The following PTPRG variants were observed in gnomAD, a reference collection of about 807,000 sequenced individuals.
PTPRG encodes protein tyrosine phosphatase receptor type G, also known as receptor-type tyrosine-protein phosphatase gamma.
Under a neutral mutation model 165.3 loss-of-function variants are expected in PTPRG, and 102 were observed. The ratio of observed to expected loss-of-function variants is 0.62; its 90% CI spans 0.53 to 0.73. PTPRG has a LOEUF of 0.73. PTPRG is among the 30% of genes least tolerant of loss of function. The probability of loss-of-function intolerance (pLI) is 0.00; values close to 1 mark genes in which losing one functional copy is unlikely to be tolerated. For synonymous variants in PTPRG, 675 were observed against 669.5 expected (o/e 1.01, Z -0.13); for missense variants, 1,866 against 1,861.4 (o/e 1.00, Z -0.05).
At chr3:61,700,208 T>C (rs1256136820) in intron 1 of PTPRG, among the ~76,000 whole-genome samples, 1 of 152,202 alleles carries the variant, frequency 6.6e-6, no homozygotes, top group Non-Finnish European at 1.5e-5. Context: ...ATAAGTCAAC[T>C]CTCACATTGC....
chr3:61,723,275 T>G (rs2032125250), intron 1 of PTPRG, among the ~76,000 whole-genome samples: 1 of 152,198 alleles, frequency 6.6e-6, no homozygotes, highest in African/African-American at 2.4e-5. Context: ...TATTTTTTTT[T>G]CTTTTTACTG....
At chr3:61,681,054 TAAAAAAAAAA>T (rs61198100) in intron 1 of PTPRG, among the ~76,000 whole-genome samples, 4 of 66,104 alleles carry the variant, frequency 6.1e-5, no homozygotes, top group South Asian at 9.8e-4. Flanking sequence ...CTTTATGTTC[TAAAAAAAAAA>T]AAAAAAAAAA....
intron 1 of PTPRG, among the ~76,000 whole-genome samples, chr3:61,640,125 T>C (rs1702021514): frequency 6.6e-6 from 1 of 152,228 alleles, no homozygotes; most frequent in Non-Finnish European, 1.5e-5. Context: ...TTTAAACTCT[T>C]ACCAGCCAGA....
chr3:61,880,669 G>A lies in PTPRG; in HGVS notation c.191-108956G>A, dbSNP rs114820177. Among the ~76,000 whole-genome samples the A allele has an allele frequency of 8.1e-3, 1,218 of 150,716 alleles. 14 individuals are homozygous for A. Among genetic ancestry groups the A allele is most frequent in the African/African-American group, 0.027 (1,122 of 41,012 alleles). On this transcript the variant is annotated intron_variant, in intron 2 of 29. Transcript: ENST00000474889. Reference sequence around the variant, plus strand: ...AGAGAGAGACCTATGGCCAGGTGATGAGGTATGAAGCCATTTAATGCGAAG... The same window carrying A: ...AGAGAGAGACCTATGGCCAGGTGATAAGGTATGAAGCCATTTAATGCGAAG...
intron 1 of PTPRG, among the ~76,000 whole-genome samples, chr3:61,702,598 G>A (rs1203881600): frequency 6.6e-6 from 1 of 152,206 alleles, no homozygotes; most frequent in East Asian, 1.9e-4. Context: ...CTATAGGTGT[G>A]TTACTGCTTT....
At chr3:62,128,273 A>G (rs971627712) in intron 5 of PTPRG, among the ~76,000 whole-genome samples, 1 of 152,176 alleles carries the variant, frequency 6.6e-6, no homozygotes, top group Non-Finnish European at 1.5e-5. Flanking sequence ...CATTTGTGCA[A>G]TTGCTGCCTT....
intron 1 of PTPRG, among the ~76,000 whole-genome samples, chr3:61,606,410 G>A (rs1278495795): frequency 1.3e-5 from 2 of 152,134 alleles, no homozygotes; most frequent in Non-Finnish European, 2.9e-5. Context: ...ATTAGGTCAG[G>A]CCCACTTAGA....
intron 2 of PTPRG, among the ~76,000 whole-genome samples, chr3:61,766,616 A>C (rs113351585): frequency 6.8e-6 from 1 of 148,056 alleles, no homozygotes; most frequent in African/African-American, 2.5e-5. Context: ...TGTTAAAAAA[A>C]ATTTTTTTTT....
chr3:62,053,202 T>C (rs1340308409), intron 4 of PTPRG, among the ~76,000 whole-genome samples: 1 of 152,090 alleles, frequency 6.6e-6, no homozygotes, highest in African/African-American at 2.4e-5. Context: ...TAAATGTAAT[T>C]GCTCTCCAAA....
At chr3:61,732,846 A>T (rs2032567908) in intron 1 of PTPRG, among the ~76,000 whole-genome samples, 1 of 152,220 alleles carries the variant, frequency 6.6e-6, no homozygotes, top group Non-Finnish European at 1.5e-5. Flanking sequence ...AAATGTGAAC[A>T]TATGCCTGCG....
At position 61,604,991 on chromosome 3, in the gene PTPRG, G is replaced by A. The variant is rs77686338; in HGVS notation, c.85+42619G>A. On this transcript the variant is annotated intron_variant, in intron 1 of 29. Transcript: ENST00000474889. ...CTTTGTACACAGAGCTGGTAAAGGG[G>A]ACAACTGACGAGGTAGCCCAGGTCT... Among the ~76,000 whole-genome samples the A allele has an allele frequency of 7.3e-3, 1,107 of 152,270 alleles. 10 individuals are homozygous for A. The highest frequency in any genetic ancestry group is 0.01 in the Middle Eastern group (3 of 294).
intron 1 of PTPRG, among the ~76,000 whole-genome samples, chr3:61,597,245 C>A (rs1024741001): frequency 3.3e-5 from 5 of 152,178 alleles, no homozygotes; most frequent in Non-Finnish European, 7.3e-5. Flanking sequence ...GTTTCCAGCA[C>A]ATGACCTTTG....
intron 2 of PTPRG, among the ~76,000 whole-genome samples, chr3:61,874,768 A>G (rs922585113): frequency 1.3e-5 from 2 of 152,208 alleles, no homozygotes; most frequent in Admixed American, 1.3e-4. Flanking sequence ...AGAATGATCT[A>G]GCCCAAAATA....
chr3:62,078,077 G>A (rs1459388552), intron 4 of PTPRG, 86 bp from the exon 5 acceptor site: 34 of 844,614 alleles, frequency 4.0e-5, no homozygotes, highest in Non-Finnish European at 1.7e-5. Flanking sequence ...TAGCAACTGG[G>A]GAATATACAT....
chr3:61,986,206 A>G (rs2040758728), intron 2 of PTPRG, among the ~76,000 whole-genome samples: 4 of 151,072 alleles, frequency 2.6e-5, no homozygotes, highest in Middle Eastern at 3.2e-3. Context: ...TCTTCTTTCA[A>G]TTCATTCATT....
chr3:62,034,132 G>A lies in PTPRG; in HGVS notation c.519+30635G>A, dbSNP rs1051385610. Among the ~76,000 whole-genome samples, 6 of 152,228 alleles carry A rather than the reference G, an allele frequency of 3.9e-5. No individual in the cohort carries two copies. In the South Asian group the frequency reaches 6.2e-4, roughly 16 times the overall value. On this transcript the variant is annotated intron_variant, in intron 4 of 29. Coordinates refer to ENST00000474889, the MANE Select transcript of PTPRG (RefSeq NM_002841.4). ...ACAGGGGATTGGTTCTGCAACCCCCGCATATACCAAAATGCTCACATACTC... is the reference window on the plus strand; with the variant it reads ...ACAGGGGATTGGTTCTGCAACCCCCACATATACCAAAATGCTCACATACTC...
intron 2 of PTPRG, among the ~76,000 whole-genome samples, chr3:61,849,517 G>T (rs369576718): frequency 1.8e-4 from 28 of 152,290 alleles, no homozygotes; most frequent in African/African-American, 6.5e-4. Context: ...TAAGTTATGG[G>T]AATGAGATTT....
chr3:61,755,161 C>G (rs908484493), intron 2 of PTPRG, among the ~76,000 whole-genome samples: 1 of 152,160 alleles, frequency 6.6e-6, no homozygotes, highest in African/African-American at 2.4e-5. Flanking sequence ...GCATGTGCCA[C>G]CACGCCCGAC....
At position 61,756,870 on chromosome 3, in the gene PTPRG, G is replaced by A. The variant is rs144456524; in HGVS notation, c.190+7888G>A. On this transcript the variant is annotated intron_variant, in intron 2 of 29. Transcript: ENST00000474889. ...GAATACTGAGAGTTTGGGTTTTAAA[G>A]TGACTCTGAAGGTAGTGGGGTGATG... 8.3e-4 allele frequency among the ~76,000 whole-genome samples: 126 copies of A among 152,262 alleles called. 1 individual carries two copies. Among genetic ancestry groups the A allele is most frequent in the African/African-American group, 3.0e-3 (123 of 41,560 alleles).
Sources: gnomAD v4.1 joint callset for allele counts (sites outside exome capture counted in the v4.1 genomes callset) on GRCh38, gnomAD v4.1.1 for gene constraint, MANE v1.5 for transcripts, NCBI Gene and HGNC (gene_info 2026-07-23, HGNC 2026-07-21) for gene names.